The following PLEKHA6 variants were observed in gnomAD, a reference collection of about 807,000 sequenced individuals.
PLEKHA6 encodes the protein pleckstrin homology domain containing A6, also known as pleckstrin homology domain-containing family A member 6.
In PLEKHA6, 60 loss-of-function variants were observed where a neutral mutation model predicts 116.7. The observed-to-expected ratio is 0.51, with a 90% CI of 0.42 to 0.64. PLEKHA6 has a LOEUF of 0.64. Among genes scored for constraint, PLEKHA6 ranks in the 30% least tolerant of loss-of-function variants. The pLI is 0.00. For missense variants in PLEKHA6, 1,338 were observed against 1,422.7 expected (o/e 0.94, Z 0.96); for synonymous variants, 489 against 556.1 (o/e 0.88, Z 1.70).
At chr1:204,328,970 C>T (rs1672350288) in intron 1 of PLEKHA6, among the ~76,000 whole-genome samples, 1 of 152,202 alleles carries the variant, frequency 6.6e-6, no homozygotes, top group African/African-American at 2.4e-5. Flanking sequence ...CCACAGTCCG[C>T]AGCCAACCCA....
chr1:204,307,160 C>T (rs1671396005), intron 1 of PLEKHA6, among the ~76,000 whole-genome samples: 1 of 152,128 alleles, frequency 6.6e-6, no homozygotes, highest in Non-Finnish European at 1.5e-5. Context: ...GAAGTACCTG[C>T]ACCACACACA....
chr1:204,264,833 C>A (rs568244218), intron 6 of PLEKHA6, 109 bp downstream of exon 6: 1 of 832,496 alleles, frequency 1.2e-6, no homozygotes, highest in Non-Finnish European at 2.1e-6. Context: ...TGGCCACCAC[C>A]ACCTGGGATT....
chr1:204,250,583 C>T lies in PLEKHA6; in HGVS notation c.1556G>A (p.Ser519Asn). ...CTCGTTTAACTTGTAGGTGTGGAGG[C>T]TGTCCCGGAACACTTCTGGGTATGG... is the stretch of plus-strand genomic sequence containing the variant. ...VPPYPEVFRD[S>N]LHTYKLNEQD... Residue 519 changes from serine (S) to asparagine (N), a missense_variant, in exon 10 of 23, where the codon AGC becomes AAC. By Grantham distance (46) the Ser-to-Asn change is conservative. Around this residue, in one of 3 missense-constraint regions of PLEKHA6, gnomAD observed 1,136 missense variants for 1,163.6 expected, o/e 0.98. Transcript: ENST00000272203. 6.2e-7 allele frequency: 1 copy of T among 1,613,072 alleles called. No individual in the cohort carries two copies. The highest frequency in any genetic ancestry group is 8.5e-7 in the Non-Finnish European group (1 of 1,179,652).
intron 1 of PLEKHA6, among the ~76,000 whole-genome samples, chr1:204,303,355 C>T (rs1670997803): frequency 6.6e-6 from 1 of 152,118 alleles, no homozygotes; most frequent in South Asian, 2.1e-4. Flanking sequence ...GCTAGGAGGG[C>T]TCTTATTTCA....
At chr1:204,300,981 C>A (rs879891176) in intron 1 of PLEKHA6, among the ~76,000 whole-genome samples, 3 of 152,184 alleles carry the variant, frequency 2.0e-5, no homozygotes, top group Admixed American at 1.3e-4. Flanking sequence ...CTGCAAACTG[C>A]GACCTGAACT....
chr1:204,332,222 C>T (rs1238831971), intron 1 of PLEKHA6, among the ~76,000 whole-genome samples: 1 of 152,172 alleles, frequency 6.6e-6, no homozygotes, highest in African/African-American at 2.4e-5. Flanking sequence ...TTCATGCCCA[C>T]GCTGGGAAGT....
chr1:204,224,948 G>T (rs1660136611), intron 21 of PLEKHA6, among the ~76,000 whole-genome samples: 2 of 152,210 alleles, frequency 1.3e-5, no homozygotes, highest in Admixed American at 1.3e-4. Context: ...AGGACATGCA[G>T]CGAGGCTCTC....
At chr1:204,357,866 G>A (rs1673459169) in intron 1 of PLEKHA6, among the ~76,000 whole-genome samples, 1 of 152,250 alleles carries the variant, frequency 6.6e-6, no homozygotes, top group Non-Finnish European at 1.5e-5. Context: ...GGCGAGGTGG[G>A]GGCTCTGATG....
rs777800245 is a variant in PLEKHA6, at chr1:204,223,518, C to T, written c.3099G>A (p.Ser1033=). The T allele has an allele frequency of 5.8e-5, 90 of 1,550,306 alleles. No individual in the cohort carries two copies. Among genetic ancestry groups the T allele is most frequent in the South Asian group, 8.3e-5 (7 of 84,002 alleles). ...ASPAPPANPL[S]SESPRGADSS... ...TGTCGGCGCCCCGTGGGGATTCAGACGACAGGGGGTTTGCTGGAGGAGCCG... is the reference window on the plus strand; with the variant it reads ...TGTCGGCGCCCCGTGGGGATTCAGATGACAGGGGGTTTGCTGGAGGAGCCG... The change falls in exon 22 of 23, where the codon TCG becomes TCA. Residue 1033 remains serine, a synonymous_variant. Transcript: ENST00000272203. This position sits in a 1 kb window ranked among gnomAD's most constrained non-coding sequence, Gnocchi z 4.8.
At chr1:204,352,374 C>CA (rs35132900) in intron 1 of PLEKHA6, among the ~76,000 whole-genome samples, 37,396 of 139,286 alleles carry the variant, frequency 0.27, 6,894 homozygotes, top group East Asian at 0.73. Context: ...GACTCCGTCT[C>CA]AAAAAAAAAA....
chr1:204,363,221 A>G (rs1271846112), upstream of PLEKHA6, among the ~76,000 whole-genome samples: 1 of 152,222 alleles, frequency 6.6e-6, no homozygotes, highest in African/African-American at 2.4e-5. Flanking sequence ...GACCCAGCAC[A>G]GCCTTGGAGG....
intron 3 of PLEKHA6, among the ~76,000 whole-genome samples, chr1:204,272,386 C>T (rs762088419): frequency 1.7e-4 from 26 of 152,288 alleles, no homozygotes; most frequent in Non-Finnish European, 2.4e-4. Flanking sequence ...GTTCCCCTCA[C>T]GCCTCTGACA....
intron 1 of PLEKHA6, among the ~76,000 whole-genome samples, chr1:204,283,439 G>A (rs1668846470): frequency 6.6e-6 from 1 of 152,240 alleles, no homozygotes; most frequent in East Asian, 1.9e-4. Context: ...GAAAGGTTAT[G>A]ATGCTCTGAA....
rs1662858146 is a variant in PLEKHA6, at chr1:204,241,801, T to C, written c.2186A>G (p.Tyr729Cys). The part of the protein sequence containing the change: ...KPGSNEPKAN[Y>C]EQSKKDPHQT... ...GTGGGGGTCTTTCTTGCTTTGTTCA[T>C]AGTTTGCCTTGGGCTGGGGAGAAAG... The change falls in exon 16 of 23, where the codon TAT becomes TGT. Residue 729 changes from tyrosine to cysteine, a missense_variant. Tyr to Cys is a radical substitution (Grantham distance 194, BLOSUM62 -2). Around this residue, in one of 3 missense-constraint regions of PLEKHA6, gnomAD observed 1,136 missense variants for 1,163.6 expected, o/e 0.98. Coordinates refer to ENST00000272203, the MANE Select transcript of PLEKHA6 (RefSeq NM_014935.5). 6.2e-7 allele frequency: 1 copy of C among 1,614,060 alleles called. No homozygotes were observed. Among genetic ancestry groups the C allele is most frequent in the African/African-American group, 1.3e-5 (1 of 74,924 alleles).
chr1:204,363,619 A>G (rs1449071779), upstream of PLEKHA6, among the ~76,000 whole-genome samples: 1 of 152,050 alleles, frequency 6.6e-6, no homozygotes, highest in Non-Finnish European at 1.5e-5. Flanking sequence ...CGGAGGAGGG[A>G]GACAAGGGGG....
intron 21 of PLEKHA6, among the ~76,000 whole-genome samples, chr1:204,226,282 G>A (rs892433791): frequency 3.3e-5 from 5 of 152,208 alleles, no homozygotes; most frequent in Non-Finnish European, 5.9e-5. Context: ...AAAGCAAGGT[G>A]ACCGTTTGGT....
At chr1:204,359,493 G>C (rs1673508865) in intron 1 of PLEKHA6, 2 of 425,156 alleles carry the variant, frequency 4.7e-6, no homozygotes, top group Non-Finnish European at 6.3e-6. Context: ...GGTGGGGGTG[G>C]GGGCACAGGG....
At chr1:204,336,555 T>C (rs993183312) in intron 1 of PLEKHA6, among the ~76,000 whole-genome samples, 4 of 146,322 alleles carry the variant, frequency 2.7e-5, no homozygotes, top group African/African-American at 1.1e-4. Flanking sequence ...CTGAAAGAGG[T>C]GTGTGAGCGT....
chr1:204,310,590 G>A (rs1343188523), intron 1 of PLEKHA6, among the ~76,000 whole-genome samples: 1 of 152,140 alleles, frequency 6.6e-6, no homozygotes, highest in African/African-American at 2.4e-5. Context: ...CGCCAAAAAC[G>A]TTTTTCCAAA....
Sources: allele counts gnomAD v4.1 joint callset (sites outside exome capture counted in the v4.1 genomes callset), GRCh38; gene constraint gnomAD v4.1.1; regional missense constraint gnomAD v4.1.1; non-coding constraint Gnocchi (gnomAD v3.1); transcripts MANE v1.5; gene names NCBI Gene and HGNC (gene_info 2026-07-23, HGNC 2026-07-21).